Variants in TRIM7 observed in about 807,000 individuals in gnomAD.
The protein encoded by TRIM7 is tripartite motif containing 7.
TRIM7 carries 32 observed loss-of-function variants against 37.9 expected under a neutral mutation model. That is an observed-to-expected ratio of 0.84 (90% CI 0.64 to 1.13). The LOEUF is 1.13. Ranked by LOEUF, TRIM7 falls within the 50% of genes most tolerant of loss-of-function variation. The pLI is 0.00. For synonymous variants in TRIM7, 351 were observed against 321.3 expected (o/e 1.09, Z -0.99); for missense variants, 732 against 714.0 (o/e 1.03, Z -0.29).
rs1313010729 is a variant in TRIM7 at position 181,195,654 on chromosome 5, TGTCGGGA to T, written c.1041_1047del (p.Asp347GlufsTer75). The stretch of plus-strand genomic sequence containing the variant: ...GAGAGGATGAGGCGCGGGTTGGCCG[TGTCGGGA>T]TCCAAGGTGAGCTCCACTGCAGACA... On this transcript the variant is annotated frameshift_variant, in exon 7 of 7. Coordinates refer to ENST00000274773, the MANE Select transcript of TRIM7 (RefSeq NM_203293.3). LOFTEE classifies it low-confidence loss of function (END_TRUNC). 7.2e-6 allele frequency: 11 copies of T among 1,527,754 alleles called. No individual in the cohort carries two copies. Among genetic ancestry groups the T allele is most frequent in the Non-Finnish European group, 9.7e-6 (11 of 1,134,978 alleles). 94.6% of individuals were successfully genotyped at this position (1,527,754 alleles called of 1,614,324 possible).
At chr5:181,204,115 C>T in intron 1 of TRIM7, 2 of 997,964 alleles carry the variant, frequency 2.0e-6, no homozygotes, top group Non-Finnish European at 2.4e-6. Context: ...GCGGCTTAAC[C>T]CGGGAGCCCC....
chr5:181,200,935 C>A (rs879280574), intron 2 of TRIM7: 50 of 985,482 alleles, frequency 5.1e-5, no homozygotes, highest in Admixed American at 6.1e-5. Flanking sequence ...CTGCAGTAGC[C>A]TGGAGCGCCT....
chr5:181,203,608 C>T lies in TRIM7; in HGVS notation c.555G>A (p.Lys185=). ...ELLESRLRVL[K]KELEDCEVFR... ...ACACCTCACAGTCCTCCAGTTCCTT[C>T]TTCAAGACCCTCAGCCTGGACTCCA... The change falls in exon 2 of 7, where the codon AAG becomes AAA. Residue 185 remains lysine, a synonymous_variant. Coordinates refer to ENST00000274773, the MANE Select transcript of TRIM7 (RefSeq NM_203293.3). 6.2e-7 allele frequency: 1 copy of T among 1,613,840 alleles called. No individual in the cohort carries two copies. Among genetic ancestry groups the T allele is most frequent in the South Asian group, 1.1e-5 (1 of 91,036 alleles).
chr5:181,204,439 C>G, intron 1 of TRIM7, 150 bp downstream of exon 1: 1 of 1,149,630 alleles, frequency 8.7e-7, no homozygotes, highest in Non-Finnish European at 1.1e-6. Context: ...GCCCGGGAAC[C>G]AGCGCTGGGC....
Position 181,198,167 on chromosome 5 carries a change from A to G in TRIM7, c.1024+16T>C, listed in dbSNP as rs1757249630. On this transcript the variant is annotated intron_variant, in intron 6 of 6. Coordinates refer to ENST00000274773, the MANE Select transcript of TRIM7 (RefSeq NM_203293.3). Reference sequence around the variant, plus strand: ...TGGCAGACAGTCCATACTCGCCATCACAGCACCATCCCTACCTTTCTCCTC... The same window carrying G: ...TGGCAGACAGTCCATACTCGCCATCGCAGCACCATCCCTACCTTTCTCCTC... 6.2e-7 allele frequency: 1 copy of G among 1,614,050 alleles called. No individual in the cohort carries two copies.
Position 181,194,910 on chromosome 5 carries a change from TC to T in TRIM7, c.*255del, listed in dbSNP as rs1561643324. 2.2e-6 allele frequency: 1 copy of T among 444,848 alleles called. No homozygotes were observed. The highest frequency in any genetic ancestry group is 4.0e-5 in the Admixed American group (1 of 24,718). The allele number at this position is 444,848 out of a possible 1,614,324, so 27.6% of individuals were successfully genotyped here. On this transcript the variant is annotated 3_prime_UTR_variant, in exon 7 of 7. Transcript: ENST00000274773. ...AGCTGGGCTCCTGACCTCACCGGCC[TC>T]CACCTCCTGAAGGCTCTGGCCAAAT...
chr5:181,195,746 GC>G, intron 6 of TRIM7, 69 bp from the exon 7 acceptor site: 1 of 1,490,076 alleles, frequency 6.7e-7, no homozygotes, highest in Non-Finnish European at 8.9e-7. Flanking sequence ...GCAGGGCCGC[GC>G]CCGACCTTGC....
At chr5:181,202,116 G>GGT (rs991912598) in intron 2 of TRIM7, 3 of 152,074 alleles carry the variant, frequency 2.0e-5, no homozygotes, top group Non-Finnish European at 4.4e-5. Context: ...AGGATGGGAG[G>GGT]GTCCTCTAGT....
At chr5:181,200,246 G>T (rs1757397387) in intron 2 of TRIM7, 165 bp from the exon 3 acceptor site, 1 of 1,502,686 alleles carries the variant, frequency 6.7e-7, no homozygotes, top group Non-Finnish European at 8.8e-7. Context: ...CAGTGTCCCA[G>T]CTCTGAACAA....
chr5:181,203,730 G>C (rs541551165), intron 1 of TRIM7, 90 bp from the exon 2 acceptor site: 1 of 1,523,210 alleles, frequency 6.6e-7, no homozygotes. Flanking sequence ...AGGAGAAAGG[G>C]AAGGCCCTGC....
intron 6 of TRIM7, 150 bp from the exon 7 acceptor site, chr5:181,195,827 C>T (rs1293158141): frequency 1.0e-5 from 10 of 959,240 alleles, no homozygotes; most frequent in Non-Finnish European, 1.4e-5. Context: ...CCAACCCCCA[C>T]GCTCTGCCTC....
intron 2 of TRIM7, chr5:181,202,593 G>A (rs1247785208): frequency 6.9e-6 from 1 of 144,496 alleles, no homozygotes; most frequent in African/African-American, 2.6e-5. Flanking sequence ...TTAAGGTGGA[G>A]TCTCGCTCTG....
rs760627175 is a variant in TRIM7 at position 181,195,245 on chromosome 5, A to G, written c.1457T>C (p.Phe486Ser). The change falls in exon 7 of 7, where the codon TTC becomes TCC. Residue 486 changes from phenylalanine to serine, a missense_variant. Coordinates refer to ENST00000274773, the MANE Select transcript of TRIM7 (RefSeq NM_203293.3). ...AVEDMRHLYT[F>S]RVNFQERVFP... ...CACGCGCTCCTGGAAGTTGACGCGG[A>G]AGGTGTAGAGGTGGCGCATGTCCTC... 1.9e-6 allele frequency: 3 copies of G among 1,612,884 alleles called. No homozygotes were observed. The highest frequency in any genetic ancestry group is 2.5e-6 in the Non-Finnish European group (3 of 1,179,516).
At chr5:181,202,320 C>T (rs1185624849) in intron 2 of TRIM7, 1 of 151,764 alleles carries the variant, frequency 6.6e-6, no homozygotes, top group Non-Finnish European at 1.5e-5. Context: ...GCTGGGATTA[C>T]AGGCATGTGC....
At chr5:181,203,434 C>A in intron 2 of TRIM7, 111 bp downstream of exon 2, 2 of 1,534,350 alleles carry the variant, frequency 1.3e-6, no homozygotes, top group African/African-American at 1.4e-5. Flanking sequence ...TTTCTGAAAT[C>A]GATTCTGCGG....
chr5:181,195,206 G>C lies in TRIM7; in HGVS notation c.1496C>G (p.Ser499Cys). The C allele has an allele frequency of 6.2e-7, 1 of 1,611,564 alleles. No individual in the cohort carries two copies. Among genetic ancestry groups the C allele is most frequent in the Non-Finnish European group, 8.5e-7 (1 of 1,178,584 alleles). ...CAAGTAGGTGCCCGTGGAGCAAACA[G>C]AGAAAAGCGGGAACACGCGCTCCTG... ...NFQERVFPLF[S>C]VCSTGTYLRI... Residue 499 changes from serine (S) to cysteine (C), a missense_variant, in exon 7 of 7, where the codon TCT becomes TGT. Coordinates refer to ENST00000274773, the MANE Select transcript of TRIM7 (RefSeq NM_203293.3).
chr5:181,199,114 A>T lies in TRIM7; in HGVS notation c.853T>A (p.Phe285Ile). 6.2e-6 allele frequency: 10 copies of T among 1,614,218 alleles called. No homozygotes were observed. Among genetic ancestry groups the T allele is most frequent in the Non-Finnish European group, 8.5e-6 (10 of 1,180,036 alleles). Residue 285 changes from phenylalanine (F) to isoleucine (I), a missense_variant, in exon 4 of 7, where the codon TTC (phenylalanine) becomes ATC (isoleucine). Transcript: ENST00000274773. ...QKPDLDFLQE[F>I]KSTLSRCSNV... ...ACTCACCTGCTCAGCGTGCTTTTGA[A>T]TTCCTGGAAGGAAAGATAGAGGAAA...
rs2113047223 is a variant in TRIM7 at position 181,195,241 on chromosome 5, G to A, written c.1461C>T (p.Arg487=). Residue 487 remains arginine, a synonymous_variant, in exon 7 of 7, where the codon CGC becomes CGT. Transcript: ENST00000274773. The part of the protein sequence containing the change: ...VEDMRHLYTF[R]VNFQERVFPL... ...GGAACACGCGCTCCTGGAAGTTGAC[G>A]CGGAAGGTGTAGAGGTGGCGCATGT... 6.2e-7 allele frequency: 1 copy of A among 1,613,020 alleles called. No individual in the cohort carries two copies. The highest frequency in any genetic ancestry group is 8.5e-7 in the Non-Finnish European group (1 of 1,179,592).
intron 1 of TRIM7, 119 bp from the exon 2 acceptor site, chr5:181,203,759 G>C (rs929094935): frequency 6.8e-5 from 100 of 1,478,938 alleles, no homozygotes; most frequent in South Asian, 5.5e-4. Context: ...GGGGAGGCCG[G>C]GTAGAAGTCA....
Sources: gnomAD v4.1 joint callset for allele counts on GRCh38, gnomAD v4.1.1 for gene constraint, MANE v1.5 for transcripts, NCBI Gene and HGNC (gene_info 2026-07-23, HGNC 2026-07-21) for gene names.